The following WDR45B variants were observed in gnomAD, a reference collection of about 807,000 sequenced individuals.
The protein encoded by WDR45B is WD repeat domain phosphoinositide-interacting protein 3.
In WDR45B, 20 loss-of-function variants were observed where a neutral mutation model predicts 44.6. That is an observed-to-expected ratio of 0.45 (90% confidence interval 0.32 to 0.65). The LOEUF (loss-of-function observed/expected upper bound fraction) is 0.65. WDR45B is among the 30% of genes least tolerant of loss of function. The pLI, the probability that WDR45B is intolerant of heterozygous loss-of-function variation, is 0.05. For synonymous variants in WDR45B, 169 were observed against 164.9 expected (o/e 1.02, Z -0.19); for missense variants, 323 against 430.2 (o/e 0.75, Z 2.20).
chr17:82,645,465 AAAC>A (rs2045964278), intron 1 of WDR45B, among the ~76,000 whole-genome samples: 1 of 152,118 alleles, frequency 6.6e-6, no homozygotes, highest in Non-Finnish European at 1.5e-5. Flanking sequence ...AAATGCAAAT[AAAC>A]AACAGAGAGA....
intron 2 of WDR45B, among the ~76,000 whole-genome samples, chr17:82,636,746 C>T (rs1024584169): frequency 2.2e-4 from 34 of 152,128 alleles, no homozygotes; most frequent in African/African-American, 8.0e-4. Context: ...TTCTTCCTTG[C>T]CCCTAGTTAC....
chr17:82,623,427 C>T (rs1369080452), intron 5 of WDR45B, among the ~76,000 whole-genome samples: 2 of 146,464 alleles, frequency 1.4e-5, no homozygotes, highest in African/African-American at 5.1e-5. Flanking sequence ...TGGGGCTGGG[C>T]GCGGTGGCTC....
At chr17:82,641,227 AAAG>A (rs1039908721) in intron 2 of WDR45B, among the ~76,000 whole-genome samples, 8 of 152,132 alleles carry the variant, frequency 5.3e-5, no homozygotes, top group African/African-American at 1.9e-4. Flanking sequence ...TCAGCCTCCC[AAAG>A]TGCTGGGATT....
intron 2 of WDR45B, among the ~76,000 whole-genome samples, chr17:82,639,164 C>T (rs954150820): frequency 2.0e-5 from 3 of 152,026 alleles, no homozygotes; most frequent in African/African-American, 7.3e-5. Context: ...GTTCCTATAA[C>T]ACCATCTATG....
intron 7 of WDR45B, among the ~76,000 whole-genome samples, chr17:82,618,427 A>G (rs892459067): frequency 1.3e-5 from 2 of 150,992 alleles, no homozygotes; most frequent in African/African-American, 5.0e-5. Context: ...GGCTGGAATC[A>G]GACAAACCAA....
At chr17:82,640,574 C>G (rs1598278504) in intron 2 of WDR45B, among the ~76,000 whole-genome samples, 1 of 152,254 alleles carries the variant, frequency 6.6e-6, no homozygotes, top group Non-Finnish European at 1.5e-5. Context: ...TGGTTTCGAT[C>G]TCCTGACCTC....
intron 2 of WDR45B, among the ~76,000 whole-genome samples, chr17:82,643,427 CG>C (rs1174297743): frequency 6.6e-6 from 1 of 151,402 alleles, no homozygotes; most frequent in Non-Finnish European, 1.5e-5. Context: ...AGCAAGATCC[CG>C]TCTCGGAAGA....
Position 82,619,128 on chromosome 17 carries a change from C to G in WDR45B, c.619G>C (p.Gly207Arg). Residue 207 changes from glycine (G) to arginine (R), a missense_variant and splice_region_variant, in exon 7 of 10, where the codon GGG becomes CGG. Gly to Arg is a moderately radical substitution (Grantham distance 125). Coordinates refer to ENST00000392325, the MANE Select transcript of WDR45B (RefSeq NM_019613.4). ...GTRIATASEK[G>R]TLIRIFDTSS... ...GTATCAAATATTCTTATAAGCGTCC[C>G]CTTTGAAAAACAGTGAAGTGTTTCA... The G allele has an allele frequency of 6.2e-7, 1 of 1,614,060 alleles. No individual in the cohort carries two copies. The highest frequency in any genetic ancestry group is 2.2e-5 in the East Asian group (1 of 44,880).
intron 2 of WDR45B, among the ~76,000 whole-genome samples, chr17:82,639,763 C>T (rs979964701): frequency 1.4e-4 from 18 of 124,906 alleles, no homozygotes; most frequent in African/African-American, 5.4e-4. Context: ...GTAGGTGGGG[C>T]GGGCTGCTGG....
At chr17:82,635,845 A>G (rs2143341353) in intron 2 of WDR45B, among the ~76,000 whole-genome samples, 1 of 152,044 alleles carries the variant, frequency 6.6e-6, no homozygotes, top group Admixed American at 6.5e-5. Flanking sequence ...GCACTCTGGG[A>G]GGCCAGGCCG....
chr17:82,629,310 A>G (rs1476879898), intron 3 of WDR45B, among the ~76,000 whole-genome samples: 2 of 152,168 alleles, frequency 1.3e-5, no homozygotes, highest in Non-Finnish European at 2.9e-5. Context: ...GAAGTTCTCC[A>G]TGACAAGACA....
chr17:82,621,780 G>A lies in WDR45B; in HGVS notation c.447C>T (p.Pro149=), dbSNP rs1048254648. The change falls in exon 6 of 10, where the codon CCC becomes CCT. Residue 149 remains proline, a synonymous_variant. Transcript: ENST00000392325. ...AGGCCAGGAGGGAGTTGTTACTATTGGGACAAAGGACACAGAGGCCTGCGT... is the reference window on the plus strand; with the variant it reads ...AGGCCAGGAGGGAGTTGTTACTATTAGGACAAAGGACACAGAGGCCTGCGT... ...YNPKGLCVLC[P]NSNNSLLAFP... 6.2e-6 allele frequency: 10 copies of A among 1,613,968 alleles called. No homozygotes were observed. Among genetic ancestry groups the A allele is most frequent in the Non-Finnish European group, 8.5e-6 (10 of 1,180,044 alleles).
At chr17:82,646,952 C>T (rs189027115) in intron 1 of WDR45B, among the ~76,000 whole-genome samples, 46 of 152,308 alleles carry the variant, frequency 3.0e-4, no homozygotes, top group Admixed American at 5.9e-4. Context: ...TGTAATCCGG[C>T]CGGGCGCAGT....
intron 3 of WDR45B, chr17:82,629,883 T>C (rs2143311636): frequency 1.0e-6 from 1 of 985,286 alleles, no homozygotes; most frequent in Non-Finnish European, 1.2e-6. Flanking sequence ...TCACTTCCCA[T>C]TTGGCATGCG....
chr17:82,630,868 A>T, intron 3 of WDR45B, 53 bp downstream of exon 3: 2 of 1,538,668 alleles, frequency 1.3e-6, no homozygotes, highest in Admixed American at 3.3e-5. Context: ...GCATTCAAAA[A>T]AAGACTGGGT....
chr17:82,619,339 G>A (rs2045582603), intron 6 of WDR45B, among the ~76,000 whole-genome samples: 1 of 152,096 alleles, frequency 6.6e-6, no homozygotes, highest in African/African-American at 2.4e-5. Flanking sequence ...CCACGGCACT[G>A]GGCACAAGTC....
In WDR45B at chr17:82,615,794, C is replaced by T. The variant is rs2045524552; in HGVS notation, c.*125G>A. 3 of 837,320 alleles carry T rather than the reference C, an allele frequency of 3.6e-6. No homozygotes were observed. Among genetic ancestry groups the T allele is most frequent in the African/African-American group, 3.4e-5 (2 of 59,698 alleles). The allele number at this position is 837,320 out of a possible 1,614,324, so 51.9% of individuals were successfully genotyped here. On this transcript the variant is annotated 3_prime_UTR_variant, in exon 10 of 10. Transcript: ENST00000392325. ...TAGGAAAGCAGACAACCACGTATGG[C>T]TTCGAGACCAAGGTCCCTGGGCAGC...
intron 3 of WDR45B, among the ~76,000 whole-genome samples, chr17:82,629,054 C>T (rs553800501): frequency 6.6e-6 from 1 of 152,260 alleles, no homozygotes; most frequent in East Asian, 1.9e-4. Flanking sequence ...CCTTTAAACG[C>T]TACAAAAAGT....
chr17:82,617,765 G>A (rs985097677), intron 7 of WDR45B, among the ~76,000 whole-genome samples: 1 of 152,164 alleles, frequency 6.6e-6, no homozygotes, highest in African/African-American at 2.4e-5. Flanking sequence ...CAATGATCCT[G>A]GCCTCAGGAA....
Sources: allele counts gnomAD v4.1 joint callset (sites outside exome capture counted in the v4.1 genomes callset), GRCh38; gene constraint gnomAD v4.1.1; transcripts MANE v1.5; gene names NCBI Gene and HGNC (gene_info 2026-07-23, HGNC 2026-07-21).